Variants in UNC13C observed in about 807,000 individuals in gnomAD.
UNC13C encodes protein unc-13 homolog C.
In UNC13C, 174 loss-of-function variants were observed where a neutral mutation model predicts 245.4. The observed-to-expected ratio is 0.71, with a 90% CI of 0.63 to 0.80. The LOEUF (loss-of-function observed/expected upper bound fraction) is 0.80. Among genes scored for constraint, UNC13C ranks in the 30% least tolerant of loss-of-function variants. The probability of loss-of-function intolerance (pLI) is 0.00; values close to 1 mark genes in which losing one functional copy is unlikely to be tolerated. For missense variants in UNC13C, 2,829 were observed against 2,602.9 expected (o/e 1.09, Z -1.89); for synonymous variants, 992 against 895.1 (o/e 1.11, Z -1.93).
chr15:54,307,259 G>A (rs545555717), intron 13 of UNC13C, among the ~76,000 whole-genome samples: 12 of 151,908 alleles, frequency 7.9e-5, no homozygotes, highest in Admixed American at 2.6e-4. Context: ...GGTGTCTGAC[G>A]AGGGCCATTT....
intron 4 of UNC13C, among the ~76,000 whole-genome samples, chr15:54,192,267 C>G (rs573673168): frequency 2.6e-5 from 4 of 152,004 alleles, no homozygotes; most frequent in South Asian, 2.1e-4. Context: ...GTTTTTTCAT[C>G]TCTTCTTTGT....
At chr15:53,992,932 C>G (rs139541832) in intron 1 of UNC13C, among the ~76,000 whole-genome samples, 63 of 152,142 alleles carry the variant, frequency 4.1e-4, no homozygotes, top group African/African-American at 1.4e-3. Flanking sequence ...AGTATGTATG[C>G]ACTAATTCAT....
At chr15:53,867,431 G>C in the UNC13C span, among the ~76,000 whole-genome samples, 1 of 152,178 alleles carries the variant, frequency 6.6e-6, no homozygotes, top group African/African-American at 2.4e-5. Context: ...TCCACATCCT[G>C]CCTCCCTCTC....
At chr15:54,451,535 C>A (rs987880652) in intron 19 of UNC13C, among the ~76,000 whole-genome samples, 1 of 151,984 alleles carries the variant, frequency 6.6e-6, no homozygotes, top group Non-Finnish European at 1.5e-5. Flanking sequence ...CTTTCTTCTG[C>A]TGGATCTAGT....
At chr15:54,095,489 G>A (rs1899806695) in intron 2 of UNC13C, among the ~76,000 whole-genome samples, 2 of 152,118 alleles carry the variant, frequency 1.3e-5, no homozygotes, top group African/African-American at 4.8e-5. Flanking sequence ...TACTTTTGTG[G>A]TCCCACTTTG....
chr15:54,320,160 A>T (rs2038112255), intron 13 of UNC13C, among the ~76,000 whole-genome samples: 1 of 151,978 alleles, frequency 6.6e-6, no homozygotes, highest in African/African-American at 2.4e-5. Context: ...TATTGAGAGG[A>T]GGGTGTCTTG....
At chr15:54,048,682 C>A (rs2141048109) in intron 2 of UNC13C, 1 of 321,324 alleles carries the variant, frequency 3.1e-6, no homozygotes, top group East Asian at 7.6e-5. Flanking sequence ...TGCTCCTCAA[C>A]AAAGCAGCAA....
intron 19 of UNC13C, among the ~76,000 whole-genome samples, chr15:54,492,617 A>G (rs183488491): frequency 6.6e-6 from 1 of 152,330 alleles, no homozygotes; most frequent in Non-Finnish European, 1.5e-5. Context: ...ATCTTCAGAC[A>G]CATACAGTTG....
intron 10 of UNC13C, among the ~76,000 whole-genome samples, chr15:54,269,678 A>C (rs1383443026): frequency 1.3e-5 from 2 of 152,044 alleles, no homozygotes; most frequent in African/African-American, 4.8e-5. Flanking sequence ...GACTGGCTAA[A>C]ATGCATCATA....
the UNC13C span, among the ~76,000 whole-genome samples, chr15:53,843,718 G>A: frequency 3.3e-5 from 5 of 152,110 alleles, no homozygotes; most frequent in Admixed American, 2.0e-4. Flanking sequence ...AAAGAAACAT[G>A]TAAGAAACAT....
intron 7 of UNC13C, 129 bp downstream of exon 7, chr15:54,237,819 G>T: frequency 1.3e-6 from 1 of 777,740 alleles, no homozygotes. Flanking sequence ...GGGAGCATGA[G>T]GAAAGCCTGA....
At chr15:53,897,185 TC>T in the UNC13C span, among the ~76,000 whole-genome samples, 1 of 152,338 alleles carries the variant, frequency 6.6e-6, no homozygotes, top group East Asian at 1.9e-4. Context: ...ACTTGGTCTT[TC>T]TTATCTATTG....
At chr15:54,455,193 CTCTCTCTCTCTCTATATATATA>C (rs1166104820) in intron 19 of UNC13C, among the ~76,000 whole-genome samples, 3 of 47,326 alleles carry the variant, frequency 6.3e-5, no homozygotes, top group African/African-American at 2.2e-4. Context: ...CTCTCTCTCT[CTCTCTCTCTCTCTATATATATA>C]TATATATATA....
the UNC13C span, among the ~76,000 whole-genome samples, chr15:53,910,391 C>G: frequency 4.1e-5 from 6 of 146,054 alleles, 2 homozygotes; most frequent in Non-Finnish European, 9.2e-5. Flanking sequence ...GCACACACCT[C>G]CACTTATTAT....
the UNC13C span, among the ~76,000 whole-genome samples, chr15:53,920,518 A>G: frequency 6.6e-6 from 1 of 152,138 alleles, no homozygotes; most frequent in East Asian, 1.9e-4. Context: ...ACCACACTGC[A>G]CTCCAGCCTG....
chr15:54,198,524 C>G (rs1172357587), intron 4 of UNC13C, among the ~76,000 whole-genome samples: 1 of 152,128 alleles, frequency 6.6e-6, no homozygotes, highest in Non-Finnish European at 1.5e-5. Flanking sequence ...GAAAATGGAT[C>G]ATATCACAGG....
chr15:54,355,727 T>TA (rs1174251036), intron 17 of UNC13C, among the ~76,000 whole-genome samples: 5 of 152,144 alleles, frequency 3.3e-5, no homozygotes, highest in African/African-American at 1.2e-4. Flanking sequence ...GCACATAATT[T>TA]AAAAGATTTT....
At chr15:54,198,559 C>A (rs1480473584) in intron 4 of UNC13C, among the ~76,000 whole-genome samples, 1 of 152,146 alleles carries the variant, frequency 6.6e-6, no homozygotes, top group African/African-American at 2.4e-5. Context: ...CTCCCCAGTA[C>A]CAACCCAGAG....
At chr15:53,920,969 G>A in the UNC13C span, among the ~76,000 whole-genome samples, 2 of 151,790 alleles carry the variant, frequency 1.3e-5, no homozygotes, top group African/African-American at 4.8e-5. Flanking sequence ...GAGTGACCAA[G>A]GGAAGAGGCT....
Sources: allele counts gnomAD v4.1 joint callset (sites outside exome capture counted in the v4.1 genomes callset), GRCh38; gene constraint gnomAD v4.1.1; transcripts MANE v1.5; gene names NCBI Gene and HGNC (gene_info 2026-07-23, HGNC 2026-07-21).